The following BICD1 variants were observed in gnomAD, a reference collection of about 807,000 sequenced individuals.
BICD1 encodes the protein BICD cargo adaptor 1, also known as protein bicaudal D homolog 1.
In BICD1, 35 loss-of-function variants were observed where a neutral mutation model predicts 92.5. That is an observed-to-expected ratio of 0.38 (90% confidence interval 0.29 to 0.50). The LOEUF (loss-of-function observed/expected upper bound fraction) is 0.50, where lower values mean the gene tolerates loss of function less well. Ranked by LOEUF, BICD1 falls within the 20% of genes least tolerant of loss-of-function variation. The probability of loss-of-function intolerance (pLI) is 0.93; values close to 1 mark genes in which losing one functional copy is unlikely to be tolerated. For missense variants in BICD1, 950 were observed against 1,189.8 expected, an observed-to-expected ratio of 0.80 and a Z score of 2.97; for synonymous variants, 429 against 465.1, an observed-to-expected ratio of 0.92 and a Z score of 1.00.
intron 2 of BICD1, among the ~76,000 whole-genome samples, chr12:32,221,999 C>T (rs1177975961): frequency 6.6e-6 from 1 of 152,136 alleles, no homozygotes; most frequent in Non-Finnish European, 1.5e-5. Context: ...GTAATATTTA[C>T]TTTTATACTT....
At chr12:32,339,601 A>ATTC in intron 8 of BICD1, 1 of 985,126 alleles carries the variant, frequency 1.0e-6, no homozygotes. Context: ...CCTTCCTTTC[A>ATTC]TTCTTTTTAC....
intron 1 of BICD1, chr12:32,109,053 G>C (rs11610880): frequency 0.02 from 3,352 of 169,532 alleles, 55 homozygotes; most frequent in Non-Finnish European, 0.029. Context: ...AAACCAGAAA[G>C]TGGTAAGCCA....
At chr12:32,245,654 T>C (rs913874945) in intron 2 of BICD1, among the ~76,000 whole-genome samples, 2 of 151,412 alleles carry the variant, frequency 1.3e-5, no homozygotes, top group Admixed American at 6.6e-5. Flanking sequence ...TATTGCAATA[T>C]AGTGTTACTT....
chr12:32,129,919 C>T (rs1448293150), intron 1 of BICD1, among the ~76,000 whole-genome samples: 1 of 152,098 alleles, frequency 6.6e-6, no homozygotes, highest in Non-Finnish European at 1.5e-5. Flanking sequence ...GGAGGACTGA[C>T]TTATTTGGTT....
intron 1 of BICD1, among the ~76,000 whole-genome samples, chr12:32,121,287 CA>C (rs150810811): frequency 0.29 from 43,596 of 151,310 alleles, 6,434 homozygotes; most frequent in Admixed American, 0.43. Flanking sequence ...AAATTCATAC[CA>C]GATCTTAATT....
In BICD1 at chr12:32,383,456, T is replaced by G. The variant is rs1425466891; in HGVS notation, c.*5829T>G. ...GTCTCATGGGAGAACACATGATATG[T>G]GCTTGTATTTGTGTAATCTGATCAT... On this transcript the variant is annotated 3_prime_UTR_variant, in exon 10 of 10. Transcript: ENST00000652176. 1 of 152,194 alleles carries G rather than the reference T, an allele frequency of 6.6e-6. No individual in the cohort carries two copies. 9.4% of individuals were successfully genotyped at this position (152,194 alleles called of 1,614,324 possible).
At chr12:32,317,108 G>A (rs1948525036) in intron 4 of BICD1, among the ~76,000 whole-genome samples, 1 of 152,112 alleles carries the variant, frequency 6.6e-6, no homozygotes, top group South Asian at 2.1e-4. Flanking sequence ...GTCTATCATT[G>A]TTGGACATTT....
At chr12:32,371,407 CCTT>C (rs1004173774) in intron 9 of BICD1, among the ~76,000 whole-genome samples, 3 of 152,200 alleles carry the variant, frequency 2.0e-5, no homozygotes, top group African/African-American at 7.2e-5. Context: ...CCTTTTTACT[CCTT>C]CTTGGCAGAA....
chr12:32,219,112 A>G (rs1189770335), intron 2 of BICD1, among the ~76,000 whole-genome samples: 2 of 152,198 alleles, frequency 1.3e-5, no homozygotes, highest in African/African-American at 4.8e-5. Flanking sequence ...ATGATGGACC[A>G]TGAGAAATAT....
At chr12:32,321,187 G>A (rs1167320252) in intron 4 of BICD1, among the ~76,000 whole-genome samples, 10 of 152,046 alleles carry the variant, frequency 6.6e-5, no homozygotes, top group Non-Finnish European at 8.8e-5. Context: ...TTAGCCGGGC[G>A]TGGTGGCACG....
chr12:32,281,220 C>T (rs568998287), intron 2 of BICD1, among the ~76,000 whole-genome samples: 1 of 152,008 alleles, frequency 6.6e-6, no homozygotes, highest in East Asian at 1.9e-4. Context: ...TTTTTCTTCC[C>T]GAACATGTTT....
chr12:32,119,688 G>A (rs888696057), intron 1 of BICD1, among the ~76,000 whole-genome samples: 1 of 152,106 alleles, frequency 6.6e-6, no homozygotes, highest in African/African-American at 2.4e-5. Context: ...CCTGACCAAC[G>A]TGGCGAAACC....
chr12:32,192,637 A>C lies in BICD1; in HGVS notation c.214-23610A>C, dbSNP rs565567482. Among the ~76,000 whole-genome samples, 9 of 152,294 alleles carry C rather than the reference A, an allele frequency of 5.9e-5. No individual in the cohort carries two copies. In the South Asian group the frequency reaches 1.0e-3, roughly 18 times the overall value. On this transcript the variant is annotated intron_variant, in intron 1 of 9. Coordinates refer to ENST00000652176, the MANE Select transcript of BICD1 (RefSeq NM_001714.4). ...CTGAGAGAGGCAGTGCTATGGAAGGAGAGTTTGGTACTAGCAGAGACTGGT... is the reference window on the plus strand; with the variant it reads ...CTGAGAGAGGCAGTGCTATGGAAGGCGAGTTTGGTACTAGCAGAGACTGGT...
chr12:32,142,405 TAAAAAAAAA>T (rs1162662533), intron 1 of BICD1, among the ~76,000 whole-genome samples: 6 of 63,390 alleles, frequency 9.5e-5, no homozygotes, highest in East Asian at 5.8e-4. Flanking sequence ...AGACTCTGTC[TAAAAAAAAA>T]AAAAAAAAAA....
intron 8 of BICD1, among the ~76,000 whole-genome samples, chr12:32,354,479 A>T (rs1341497148): frequency 6.6e-6 from 1 of 152,238 alleles, no homozygotes; most frequent in Admixed American, 6.5e-5. Context: ...TTTTTAACGA[A>T]GAATGATTGT....
At chr12:32,202,695 C>T (rs1349935565) in intron 1 of BICD1, among the ~76,000 whole-genome samples, 3 of 152,116 alleles carry the variant, frequency 2.0e-5, no homozygotes, top group Non-Finnish European at 4.4e-5. Flanking sequence ...ACTGCAGCCT[C>T]GACCTTCCAG....
intron 3 of BICD1, 22 bp downstream of exon 3, chr12:32,294,168 G>C: frequency 6.3e-7 from 1 of 1,577,898 alleles, no homozygotes; most frequent in Non-Finnish European, 8.6e-7. Context: ...GAAATTTTTT[G>C]TTATACTGAA....
Position 32,321,075 on chromosome 12 carries a change from C to T in BICD1, c.1006-6386C>T, listed in dbSNP as rs181142168. 1.5e-3 allele frequency among the ~76,000 whole-genome samples: 231 copies of T among 152,220 alleles called. 1 individual carries two copies. The highest frequency in any genetic ancestry group is 5.3e-3 in the African/African-American group (221 of 41,550). On this transcript the variant is annotated intron_variant, in intron 4 of 9. Transcript: ENST00000652176. ...GTACAGTGGCTCACGCCTGTAATCC[C>T]AGCACTTTGGGAGGCCAAGGTGGGC... is the stretch of plus-strand genomic sequence containing the variant.
At chr12:32,327,354 G>T in intron 4 of BICD1, 107 bp from the exon 5 acceptor site, 2 of 1,302,562 alleles carry the variant, frequency 1.5e-6, no homozygotes, top group Non-Finnish European at 2.1e-6. Flanking sequence ...GGGAACATTG[G>T]CTCTGCTGCA....
Sources: gnomAD v4.1 joint callset for allele counts (sites outside exome capture counted in the v4.1 genomes callset) on GRCh38, gnomAD v4.1.1 for gene constraint, MANE v1.5 for transcripts, NCBI Gene and HGNC (gene_info 2026-07-23, HGNC 2026-07-21) for gene names.